The following TFRC variants were observed in gnomAD, a reference collection of about 807,000 sequenced individuals.
TFRC encodes transferrin receptor, also known as transferrin receptor protein 1.
Under a neutral mutation model 85.8 loss-of-function variants are expected in TFRC, and 35 were observed. The ratio of observed to expected loss-of-function variants is 0.41; its 90% CI spans 0.31 to 0.54. The LOEUF is 0.54. Ranked by LOEUF, TFRC falls within the 20% of genes least tolerant of loss-of-function variation. The pLI is 0.31. For missense variants in TFRC, 828 were observed against 921.5 expected (o/e 0.90, Z 1.31); for synonymous variants, 362 against 328.6 (o/e 1.10, Z -1.10).
intron 4 of TFRC, among the ~76,000 whole-genome samples, chr3:196,072,452 A>G (rs1718291941): frequency 6.6e-6 from 1 of 152,236 alleles, no homozygotes; most frequent in East Asian, 1.9e-4. Flanking sequence ...CAGATCTACT[A>G]TAAAATCTAA....
chr3:196,058,605 G>C lies in TFRC; in HGVS notation c.1564C>G (p.Leu522Val), dbSNP rs1240154532. ...CTGGCCCAGTTGCTGTCCTGATATA[G>C]AAATTGCCCAGTAACCGGATGCTTC... ...NVKHPVTGQFLYQDSNWASKV... is the reference protein window; with the variant it reads ...NVKHPVTGQFVYQDSNWASKV... The change falls in exon 15 of 19, where the codon CTA becomes GTA. Residue 522 changes from leucine to valine, a missense_variant. Transcript: ENST00000360110. 3 of 1,611,334 alleles carry C rather than the reference G, an allele frequency of 1.9e-6. No individual in the cohort carries two copies. Among genetic ancestry groups the C allele is most frequent in the African/African-American group, 2.7e-5 (2 of 74,888 alleles).
intron 7 of TFRC, among the ~76,000 whole-genome samples, chr3:196,068,334 C>A (rs1022044633): frequency 2.6e-5 from 4 of 152,254 alleles, no homozygotes; most frequent in Admixed American, 2.0e-4. Context: ...AGTAACGGGC[C>A]AGGAGTGGTG....
chr3:196,068,471 C>T lies in TFRC; in HGVS notation c.802-341G>A, dbSNP rs149709316. Among the ~76,000 whole-genome samples, 1,283 of 151,616 alleles carry T rather than the reference C, an allele frequency of 8.5e-3. 14 individuals are homozygous for T. The highest frequency in any genetic ancestry group is 0.029 in the African/African-American group (1,195 of 41,272). On this transcript the variant is annotated intron_variant, in intron 7 of 18. Transcript: ENST00000360110. The stretch of plus-strand genomic sequence containing the variant: ...ACTAAAAATACAAAAATTAACTGGG[C>T]GCAGTGGCTGGCGCCTGTATTCCCA...
intron 16 of TFRC, chr3:196,055,593 G>GT (rs1716711795): frequency 1.2e-5 from 5 of 428,892 alleles, no homozygotes; most frequent in Admixed American, 7.7e-5. Flanking sequence ...CCTTAAGGCT[G>GT]TATGTTTTTC....
At position 196,070,964 on chromosome 3, in the gene TFRC, A is replaced by T. The variant is rs146336293; in HGVS notation, c.687+432T>A. ...TGTCTCAAAACAAAAATAGAAAAAG[A>T]TCAAGCATTAACGAATCAAGCTAAG... is the stretch of plus-strand genomic sequence containing the variant. On this transcript the variant is annotated intron_variant, in intron 6 of 18. Transcript: ENST00000360110. 3.7e-3 allele frequency among the ~76,000 whole-genome samples: 570 copies of T among 152,226 alleles called. 3 individuals are homozygous for T. Among genetic ancestry groups the T allele is most frequent in the Non-Finnish European group, 5.3e-3 (358 of 67,994 alleles).
chr3:196,055,038 G>T, intron 17 of TFRC, 42 bp downstream of exon 17: 1 of 1,575,102 alleles, frequency 6.3e-7, no homozygotes, highest in South Asian at 1.1e-5. Context: ...CAAAATACTT[G>T]ACATTCAGCA....
At chr3:196,063,544 T>C (rs984520710) in intron 11 of TFRC, 1 of 152,240 alleles carries the variant, frequency 6.6e-6, no homozygotes, top group Non-Finnish European at 1.5e-5. Flanking sequence ...CAGTTTGCCC[T>C]AAGACCCAAA....
intron 18 of TFRC, 60 bp downstream of exon 18, chr3:196,053,358 T>C: frequency 1.3e-6 from 2 of 1,595,158 alleles, no homozygotes; most frequent in Non-Finnish European, 1.7e-6. Flanking sequence ...TGCAGAAGTG[T>C]AAGATTTATC....
rs1280044675 is a variant in TFRC at position 196,051,028 on chromosome 3, C to T, written c.*914G>A. On this transcript the variant is annotated 3_prime_UTR_variant, in exon 19 of 19. Transcript: ENST00000360110. ...TAATTATATTCTATTAAAAAAACAC[C>T]ATTTATAGTGAACTCTGTCACTGAT... 4.8e-6 allele frequency: 1 copy of T among 207,166 alleles called. No homozygotes were observed. Among genetic ancestry groups the T allele is most frequent in the Non-Finnish European group, 9.9e-6 (1 of 101,318 alleles). 12.8% of individuals were successfully genotyped at this position (207,166 alleles called of 1,614,324 possible). A position where few individuals can be genotyped will look rare whatever the true frequency, so the allele number is the denominator to read the frequency against.
rs1037562606 is a variant in TFRC at position 196,055,389 on chromosome 3, C to T, written c.1678-88G>A. On this transcript the variant is annotated intron_variant, in intron 16 of 18. Transcript: ENST00000360110. ...GGCTTCGCCATCGAGGTAACAGTGA[C>T]GACAGTTCCACCCTTGCTTCTAACA... The T allele has an allele frequency of 5.6e-6, 6 of 1,074,968 alleles. 1 individual carries two copies. The highest frequency in any genetic ancestry group is 2.6e-5 in the South Asian group (2 of 76,924). 66.6% of individuals were successfully genotyped at this position (1,074,968 alleles called of 1,614,324 possible). A position where few individuals can be genotyped will look rare whatever the true frequency, so the allele number is the denominator to read the frequency against.
At chr3:196,057,793 A>C (rs1293371601) in intron 16 of TFRC, among the ~76,000 whole-genome samples, 6 of 149,922 alleles carry the variant, frequency 4.0e-5, no homozygotes, top group South Asian at 4.2e-4. Flanking sequence ...AAAAAAAAAA[A>C]AAAAACAAAA....
intron 11 of TFRC, among the ~76,000 whole-genome samples, chr3:196,064,101 G>A (rs912135061): frequency 4.6e-5 from 7 of 152,110 alleles, no homozygotes; most frequent in Admixed American, 3.9e-4. Flanking sequence ...CAAAGAAACT[G>A]GTGATTTCTA....
chr3:196,060,491 C>A (rs1362372817), intron 13 of TFRC: 2 of 450,552 alleles, frequency 4.4e-6, no homozygotes, highest in African/African-American at 2.0e-5. Context: ...TCCAAGTCAC[C>A]TTTTTTAAAA....
chr3:196,057,321 G>A (rs492349), intron 16 of TFRC, among the ~76,000 whole-genome samples: 47,637 of 151,666 alleles, frequency 0.31, 7,545 homozygotes, highest in South Asian at 0.34. Flanking sequence ...AATTACCGGT[G>A]CATGCAACCC....
intron 5 of TFRC, among the ~76,000 whole-genome samples, 163 bp downstream of exon 5, chr3:196,071,840 G>T (rs1718234915): frequency 6.6e-6 from 1 of 152,192 alleles, no homozygotes. Context: ...GAAGGCAAAG[G>T]CTGCAGTGAG....
chr3:196,065,505 T>C lies in TFRC; in HGVS notation c.1136A>G (p.Asn379Ser), dbSNP rs539830157. ...AAGAATTTTTATCTCTTTCAGCACA[T>C]TGCTCACAGTGAGCTTCACATTCTT... is the stretch of plus-strand genomic sequence containing the variant. ...ESKNVKLTVS[N>S]VLKEIKILNI... Residue 379 changes from asparagine to serine, a missense_variant, in exon 10 of 19, where the codon AAT (asparagine) becomes AGT (serine). Physicochemically the swap from Asn to Ser is conservative, Grantham distance 46 (BLOSUM62 1). Transcript: ENST00000360110. The C allele has an allele frequency of 8.5e-5, 135 of 1,581,796 alleles. No homozygotes were observed. In the Admixed American group the frequency reaches 9.1e-4, roughly 11 times the overall value.
chr3:196,060,368 C>A, intron 13 of TFRC, 121 bp from the exon 14 acceptor site: 1 of 797,396 alleles, frequency 1.3e-6, no homozygotes, highest in Non-Finnish European at 2.0e-6. Flanking sequence ...CCCTGTGCAA[C>A]AACTATCCCA....
chr3:196,081,548 G>A (rs2108662879), intron 1 of TFRC, among the ~76,000 whole-genome samples: 1 of 152,330 alleles, frequency 6.6e-6, no homozygotes, highest in East Asian at 1.9e-4. Context: ...TCCTGGAGCA[G>A]CCACGTGTTC....
chr3:196,072,442 CA>C (rs1718290771), intron 4 of TFRC, among the ~76,000 whole-genome samples: 1 of 152,132 alleles, frequency 6.6e-6, no homozygotes, highest in African/African-American at 2.4e-5. Context: ...GAGTAGCTTC[CA>C]GATCTACTAT....
Sources: gnomAD v4.1 joint callset for allele counts (sites outside exome capture counted in the v4.1 genomes callset) on GRCh38, gnomAD v4.1.1 for gene constraint, MANE v1.5 for transcripts, NCBI Gene and HGNC (gene_info 2026-07-23, HGNC 2026-07-21) for gene names.